The following NEDD9 variants were observed in gnomAD, a reference collection of about 807,000 sequenced individuals.
NEDD9 encodes enhancer of filamentation 1.
In NEDD9, 26 loss-of-function variants were observed where a neutral mutation model predicts 76.6. That is an observed-to-expected ratio of 0.34 (90% CI 0.25 to 0.47). The LOEUF (loss-of-function observed/expected upper bound fraction) is 0.47. Ranked by LOEUF, NEDD9 falls within the 20% of genes least tolerant of loss-of-function variation. The pLI is 1.00. For synonymous variants in NEDD9, 392 were observed against 414.2 expected (o/e 0.95, Z 0.65); for missense variants, 937 against 1,058.5 (o/e 0.89, Z 1.59).
intron 1 of NEDD9, among the ~76,000 whole-genome samples, chr6:11,364,941 G>A (rs573705983): frequency 7.9e-5 from 12 of 152,114 alleles, no homozygotes; most frequent in South Asian, 2.1e-4. Flanking sequence ...TTCCTTACCT[G>A]ATCCCTGGCC....
chr6:11,268,132 C>A (rs1760234419), intron 3 of NEDD9, among the ~76,000 whole-genome samples: 1 of 152,078 alleles, frequency 6.6e-6, no homozygotes, highest in Admixed American at 6.5e-5. Flanking sequence ...CAGGCTCAGG[C>A]GATTCTCCCT....
intron 1 of NEDD9, among the ~76,000 whole-genome samples, chr6:11,372,888 C>G (rs1413607036): frequency 6.6e-6 from 1 of 152,168 alleles, no homozygotes; most frequent in African/African-American, 2.4e-5. Context: ...TAAGAGCAAT[C>G]TGGCATAGAT....
chr6:11,219,229 T>C (rs528883790), intron 1 of NEDD9, among the ~76,000 whole-genome samples: 57 of 152,280 alleles, frequency 3.7e-4, no homozygotes, highest in African/African-American at 1.3e-3. Context: ...GCTATCAAAA[T>C]GTCAAGAAAG....
chr6:11,311,730 G>A (rs988105187), intron 2 of NEDD9, among the ~76,000 whole-genome samples: 2 of 152,168 alleles, frequency 1.3e-5, no homozygotes, highest in Admixed American at 6.5e-5. Flanking sequence ...AGACTGGGTC[G>A]GGTGCAGTGG....
intron 1 of NEDD9, among the ~76,000 whole-genome samples, chr6:11,373,672 T>C (rs1226174278): frequency 6.6e-6 from 1 of 152,252 alleles, no homozygotes; most frequent in Non-Finnish European, 1.5e-5. Flanking sequence ...TAAATTATTT[T>C]CTGAAATGGA....
At chr6:11,254,956 C>T (rs1474342665) in intron 3 of NEDD9, among the ~76,000 whole-genome samples, 1 of 152,216 alleles carries the variant, frequency 6.6e-6, no homozygotes, top group African/African-American at 2.4e-5. Flanking sequence ...TGCTGCTTTG[C>T]AGAACAATAT....
intron 1 of NEDD9, among the ~76,000 whole-genome samples, chr6:11,346,632 G>A (rs1053758348): frequency 2.6e-5 from 4 of 152,142 alleles, no homozygotes; most frequent in South Asian, 2.1e-4. Flanking sequence ...GACTCTCATC[G>A]GGGAAGGAGG....
chr6:11,254,332 G>A (rs1251831255), intron 3 of NEDD9, among the ~76,000 whole-genome samples: 1 of 152,072 alleles, frequency 6.6e-6, no homozygotes, highest in African/African-American at 2.4e-5. Flanking sequence ...TATTGGCCAG[G>A]CTGGTCTTGA....
chr6:11,331,550 A>G lies in NEDD9; in HGVS notation c.-153+2951T>C, dbSNP rs112533844. ...AAATAAAAGGGTTCAAAAAATGTTT[A>G]AATGTAAAATGACAGTTCCATAACA... On this transcript the variant is annotated intron_variant, in intron 2 of 3. Transcript: ENST00000397378. 6.8e-3 allele frequency among the ~76,000 whole-genome samples: 1,030 copies of G among 152,304 alleles called. 12 individuals carry two copies. The highest frequency in any genetic ancestry group is 0.023 in the African/African-American group (955 of 41,566).
At chr6:11,318,255 C>A (rs776005796) in intron 2 of NEDD9, among the ~76,000 whole-genome samples, 11 of 152,116 alleles carry the variant, frequency 7.2e-5, no homozygotes, top group Non-Finnish European at 1.3e-4. Flanking sequence ...CAAGTTCTTA[C>A]AAGAAATCAC....
At position 11,184,893 on chromosome 6, in the gene NEDD9, T is replaced by C. The variant is rs577004405; in HGVS notation, c.*269A>G. 1 of 326,428 alleles carries C rather than the reference T, an allele frequency of 3.1e-6. No individual in the cohort carries two copies. Among genetic ancestry groups the C allele is most frequent in the Admixed American group, 4.4e-5 (1 of 22,952 alleles). The allele number at this position is 326,428 out of a possible 1,614,324, so 20.2% of individuals were successfully genotyped here. On this transcript the variant is annotated 3_prime_UTR_variant, in exon 7 of 7. Transcript: ENST00000379446. ...ACATCTACAAACAAACATGAATACA[T>C]GGGCATACAAAAGCACGTGGACAAG...
At chr6:11,356,656 C>T (rs1215862644) in intron 1 of NEDD9, among the ~76,000 whole-genome samples, 1 of 152,134 alleles carries the variant, frequency 6.6e-6, no homozygotes, top group Non-Finnish European at 1.5e-5. Flanking sequence ...CCTTCAGTAG[C>T]ATCATTTTAG....
chr6:11,247,060 A>G (rs1332088899), intron 3 of NEDD9, among the ~76,000 whole-genome samples: 1 of 152,172 alleles, frequency 6.6e-6, no homozygotes, highest in Non-Finnish European at 1.5e-5. Flanking sequence ...TAGAAGTCCA[A>G]TCTTCCCATC....
At chr6:11,238,100 G>A (rs1031584839) in intron 3 of NEDD9, among the ~76,000 whole-genome samples, 6 of 152,146 alleles carry the variant, frequency 3.9e-5, no homozygotes, top group Admixed American at 1.3e-4. Context: ...ACTGACTCTT[G>A]GTTCATTCAG....
chr6:11,228,096 C>T (rs963129946), intron 1 of NEDD9, among the ~76,000 whole-genome samples: 4 of 12,212 alleles, frequency 3.3e-4, no homozygotes, highest in Non-Finnish European at 6.2e-4. Context: ...TAGATAGGTG[C>T]GGGTGGGGGG....
chr6:11,302,237 C>T (rs1224641686), intron 3 of NEDD9, among the ~76,000 whole-genome samples: 1 of 152,152 alleles, frequency 6.6e-6, no homozygotes, highest in Non-Finnish European at 1.5e-5. Context: ...ACTATAAACA[C>T]CTCTATGCAA....
intron 2 of NEDD9, among the ~76,000 whole-genome samples, chr6:11,202,329 T>A (rs116264686): frequency 0.2 from 30,966 of 152,058 alleles, 3,448 homozygotes; most frequent in African/African-American, 0.26. Flanking sequence ...GGAAAGGGCT[T>A]CTTTCACTTA....
At chr6:11,355,726 TA>T (rs1762552940) in intron 1 of NEDD9, among the ~76,000 whole-genome samples, 1 of 151,132 alleles carries the variant, frequency 6.6e-6, no homozygotes, top group South Asian at 2.1e-4. Context: ...TTTTTTTTTT[TA>T]ATTATTTTTT....
In NEDD9 at chr6:11,340,760, C is replaced by T. The variant is rs533307633; in HGVS notation, c.-213-6199G>A. On this transcript the variant is annotated intron_variant, in intron 1 of 3. Transcript: ENST00000397378. ...CTCAATGGCCTTCTAATTCAGCACCCTGCTTTTGTCCTGGAGGTGTTTCCA... is the reference window on the plus strand; with the variant it reads ...CTCAATGGCCTTCTAATTCAGCACCTTGCTTTTGTCCTGGAGGTGTTTCCA... Among the ~76,000 whole-genome samples, 6 of 152,322 alleles carry T rather than the reference C, an allele frequency of 3.9e-5. No individual in the cohort carries two copies. The South Asian group carries it at 1.2e-3, about 32-fold the overall frequency.
Sources: gnomAD v4.1 joint callset for allele counts (sites outside exome capture counted in the v4.1 genomes callset) on GRCh38, gnomAD v4.1.1 for gene constraint, MANE v1.5 for transcripts, NCBI Gene and HGNC (gene_info 2026-07-23, HGNC 2026-07-21) for gene names.